PCDHGA8: variants seen among roughly 807,000 people sequenced by gnomAD.
PCDHGA8 encodes protocadherin gamma subfamily A, 8, also known as protocadherin gamma-A8.
Under a neutral mutation model 59.2 loss-of-function variants are expected in PCDHGA8, and 45 were observed. That is an observed-to-expected ratio of 0.76 (90% CI 0.60 to 0.98). The LOEUF is 0.98. Among genes scored for constraint, PCDHGA8 ranks in the 50% least tolerant of loss-of-function variants. PCDHGA8 has a pLI of 0.00. For missense variants in PCDHGA8, 1,257 were observed against 1,196.2 expected, an observed-to-expected ratio of 1.05 and a Z score of -0.75; for synonymous variants, 531 against 519.0, an observed-to-expected ratio of 1.02 and a Z score of -0.32.
intron 1 of PCDHGA8, chr5:141,404,606 G>T: frequency 6.2e-7 from 1 of 1,614,106 alleles, no homozygotes; most frequent in Non-Finnish European, 8.5e-7. Flanking sequence ...GAGACTGTTT[G>T]TTTTGGACCA....
intron 1 of PCDHGA8, among the ~76,000 whole-genome samples, chr5:141,459,831 G>T (rs907978430): frequency 1.3e-5 from 2 of 152,150 alleles, no homozygotes; most frequent in Non-Finnish European, 2.9e-5. Context: ...CTTTTCATGT[G>T]TTGTCTATTT....
In PCDHGA8 at chr5:141,422,312, C is replaced by T; in HGVS notation, c.2424+27075C>T. On this transcript the variant is annotated intron_variant, in intron 1 of 3. Coordinates refer to ENST00000398604, the MANE Select transcript of PCDHGA8 (RefSeq NM_032088.2). ...ATTAATTCAATTCTGGAAAACTCTC[C>T]TCCAGGTACAGTGATTGCTCTTCTA... The T allele has an allele frequency of 1.9e-6, 3 of 1,547,444 alleles. No individual in the cohort carries two copies. Among genetic ancestry groups the T allele is most frequent in the Non-Finnish European group, 1.7e-6 (2 of 1,153,976 alleles).
intron 1 of PCDHGA8, among the ~76,000 whole-genome samples, chr5:141,471,978 A>C (rs1246474598): frequency 1.3e-5 from 2 of 152,184 alleles, no homozygotes; most frequent in African/African-American, 4.8e-5. Flanking sequence ...TTACTGTATA[A>C]ATTTATTAAA....
chr5:141,428,886 G>T (rs1002869474), intron 1 of PCDHGA8: 3 of 149,710 alleles, frequency 2.0e-5, no homozygotes, highest in Non-Finnish European at 2.9e-5. Context: ...ACGGAGTCTC[G>T]CTCTGTGGTC....
chr5:141,476,697 C>T lies in PCDHGA8; in HGVS notation c.2425-18110C>T, dbSNP rs758302668. The T allele has an allele frequency of 2.5e-6, 4 of 1,614,110 alleles. No individual in the cohort carries two copies. The highest frequency in any genetic ancestry group is 2.2e-5 in the South Asian group (2 of 91,088). The stretch of plus-strand genomic sequence containing the variant: ...ACGCGGGAGGACAGCACCAAGTACG[C>T]GGAGCTGGTGTTGGAGCGCGCCCTG... On this transcript the variant is annotated intron_variant, in intron 1 of 3. Coordinates refer to ENST00000398604, the MANE Select transcript of PCDHGA8 (RefSeq NM_032088.2). The surrounding 1 kb of genome is among the most constrained non-coding windows in gnomAD (Gnocchi z 7.6).
chr5:141,451,134 T>A (rs567790185), intron 1 of PCDHGA8, among the ~76,000 whole-genome samples: 1 of 152,254 alleles, frequency 6.6e-6, no homozygotes, highest in South Asian at 2.1e-4. Context: ...AGCCTTATGA[T>A]TGTATTTAGA....
At position 141,477,372 on chromosome 5, in the gene PCDHGA8, CTG is replaced by C; in HGVS notation, c.2425-17432_2425-17431del. On this transcript the variant is annotated intron_variant, in intron 1 of 3. Transcript: ENST00000398604. This position sits in a 1 kb window ranked among gnomAD's most constrained non-coding sequence, Gnocchi z 4.9. ...ACCAGTGCAGACCTGGATCGGGAGA[CTG>C]TGCCAGAATACAACCTCAGCATCAC... The C allele has an allele frequency of 6.2e-7, 1 of 1,614,154 alleles. No homozygotes were observed. The highest frequency in any genetic ancestry group is 8.5e-7 in the Non-Finnish European group (1 of 1,180,030).
In PCDHGA8 at chr5:141,470,146, A is replaced by G. The variant is rs181633492; in HGVS notation, c.2425-24661A>G. On this transcript the variant is annotated intron_variant, in intron 1 of 3. Coordinates refer to ENST00000398604, the MANE Select transcript of PCDHGA8 (RefSeq NM_032088.2). ...TTCGTCTCAAAAAAAAAGATCATAG[A>G]TCATCTTATCAAATCAAAGTATGCA... Among the ~76,000 whole-genome samples, 102 of 152,308 alleles carry G rather than the reference A, an allele frequency of 6.7e-4. 2 individuals carry two copies. Among genetic ancestry groups the G allele is most frequent in the African/African-American group, 2.4e-3 (99 of 41,558 alleles).
intron 1 of PCDHGA8, chr5:141,407,965 G>A (rs2095011875): frequency 4.4e-6 from 3 of 688,096 alleles, no homozygotes; most frequent in Non-Finnish European, 6.9e-6. Flanking sequence ...CAGAGCAAGC[G>A]CTGACGCCGG....
intron 1 of PCDHGA8, chr5:141,424,778 T>G (rs1009835492): frequency 1.3e-5 from 2 of 152,166 alleles, no homozygotes; most frequent in African/African-American, 4.8e-5. Flanking sequence ...AATAGTACAT[T>G]CAGTTCTTTT....
chr5:141,422,478 G>C, intron 1 of PCDHGA8: 1 of 1,613,914 alleles, frequency 6.2e-7, no homozygotes, highest in Non-Finnish European at 8.5e-7. Flanking sequence ...AGTTGGTCCA[G>C]AGCTACAATA....
intron 1 of PCDHGA8, chr5:141,402,812 C>T: frequency 8.0e-7 from 1 of 1,243,800 alleles, no homozygotes; most frequent in East Asian, 2.6e-5. Flanking sequence ...GCAGATACCA[C>T]AAACCTGCTC....
chr5:141,409,125 AT>A, intron 1 of PCDHGA8: 1 of 1,613,982 alleles, frequency 6.2e-7, no homozygotes, highest in Non-Finnish European at 8.5e-7. Context: ...CAGTCATTTG[AT>A]TTTGAAGATG....
At chr5:141,414,502 A>G in intron 1 of PCDHGA8, 1 of 1,613,944 alleles carries the variant, frequency 6.2e-7, no homozygotes, top group South Asian at 1.1e-5. Flanking sequence ...AGCTCACTTT[A>G]TGCTACAAGT....
chr5:141,421,362 C>T (rs2096566609), intron 1 of PCDHGA8: 1 of 1,613,998 alleles, frequency 6.2e-7, no homozygotes, highest in African/African-American at 1.3e-5. Context: ...AGGGCTCCTT[C>T]GTGGGCAATA....
At chr5:141,440,551 T>C (rs1220901075) in intron 1 of PCDHGA8, 2 of 152,350 alleles carry the variant, frequency 1.3e-5, no homozygotes, top group East Asian at 1.9e-4. Context: ...GCAGGAATGT[T>C]ATTAAGTTAC....
rs757707945 is a variant in PCDHGA8 at position 141,399,045 on chromosome 5, A to C, written c.2424+3808A>C. On this transcript the variant is annotated intron_variant, in intron 1 of 3. Coordinates refer to ENST00000398604, the MANE Select transcript of PCDHGA8 (RefSeq NM_032088.2). ...CCACTCAAAAGAAACTGGATTTTGAAGAGACCAAGGAATATTCAATGGTTG... is the reference window on the plus strand; with the variant it reads ...CCACTCAAAAGAAACTGGATTTTGACGAGACCAAGGAATATTCAATGGTTG... The C allele has an allele frequency of 3.1e-6, 5 of 1,613,878 alleles. No individual in the cohort carries two copies. The Admixed American group carries it at 5.0e-5, about 16-fold the overall frequency.
At chr5:141,398,709 G>A (rs1202607096) in intron 1 of PCDHGA8, 1 of 1,613,714 alleles carries the variant, frequency 6.2e-7, no homozygotes, top group Non-Finnish European at 8.5e-7. Context: ...ACCCGGAACT[G>A]GCACTGGAGA....
At chr5:141,463,831 C>T (rs2099070299) in intron 1 of PCDHGA8, among the ~76,000 whole-genome samples, 1 of 152,174 alleles carries the variant, frequency 6.6e-6, no homozygotes, top group African/African-American at 2.4e-5. Flanking sequence ...TGATCCACTT[C>T]CCAGTTGTTA....
Sources: allele counts gnomAD v4.1 joint callset (sites outside exome capture counted in the v4.1 genomes callset), GRCh38; gene constraint gnomAD v4.1.1; non-coding constraint Gnocchi (gnomAD v3.1); transcripts MANE v1.5; gene names NCBI Gene and HGNC (gene_info 2026-07-23, HGNC 2026-07-21).